Variants in AK8 observed in about 807,000 individuals in gnomAD.
The protein encoded by AK8 is adenylate kinase 8, also known as ATP-AMP transphosphorylase 8.
In AK8, 44 loss-of-function variants were observed where a neutral mutation model predicts 54.6. The ratio of observed to expected loss-of-function variants is 0.81; its 90% CI spans 0.63 to 1.04. The LOEUF (loss-of-function observed/expected upper bound fraction) is 1.04, where lower values mean the gene tolerates loss of function less well. Ranked by LOEUF, AK8 falls within the 50% of genes least tolerant of loss-of-function variation. The pLI, the probability that AK8 is intolerant of heterozygous loss-of-function variation, is 0.00. For missense variants in AK8, 555 were observed against 613.6 expected (o/e 0.90, Z 1.01); for synonymous variants, 239 against 245.6 (o/e 0.97, Z 0.25).
chr9:132,788,258 G>A (rs1486706562), intron 11 of AK8, among the ~76,000 whole-genome samples: 1 of 152,168 alleles, frequency 6.6e-6, no homozygotes, highest in Admixed American at 6.5e-5. Flanking sequence ...ATTCCTTAAA[G>A]CAGGTTTCCT....
intron 2 of AK8, among the ~76,000 whole-genome samples, chr9:132,873,958 G>C (rs892432116): frequency 2.6e-5 from 4 of 152,194 alleles, no homozygotes; most frequent in Non-Finnish European, 5.9e-5. Context: ...CTGCAGGGCA[G>C]AGTAAACTGC....
chr9:132,846,029 G>T (rs971994614), intron 5 of AK8, among the ~76,000 whole-genome samples: 6 of 152,162 alleles, frequency 3.9e-5, no homozygotes, highest in Admixed American at 3.9e-4. Context: ...TAGCCAGTGG[G>T]ACACACAGAC....
chr9:132,765,335 T>C (rs1032221357), intron 11 of AK8, among the ~76,000 whole-genome samples: 3 of 139,542 alleles, frequency 2.1e-5, no homozygotes, highest in Non-Finnish European at 4.6e-5. Flanking sequence ...CATAATCATG[T>C]GGTGCATCTC....
chr9:132,726,356 C>T (rs1009409351), intron 12 of AK8, among the ~76,000 whole-genome samples: 1 of 151,526 alleles, frequency 6.6e-6, no homozygotes, highest in Non-Finnish European at 1.5e-5. Context: ...ACTCTCTTGC[C>T]CAGGCTGGAG....
intron 11 of AK8, among the ~76,000 whole-genome samples, chr9:132,758,045 A>G (rs941978655): frequency 1.3e-5 from 2 of 152,336 alleles, no homozygotes; most frequent in Admixed American, 6.5e-5. Flanking sequence ...GGCATCACCC[A>G]GCTTAGATGA....
At chr9:132,764,985 G>A (rs1838655993) in intron 11 of AK8, among the ~76,000 whole-genome samples, 1 of 152,112 alleles carries the variant, frequency 6.6e-6, no homozygotes, top group Non-Finnish European at 1.5e-5. Flanking sequence ...ACTGAATCCA[G>A]CAGCACATTA....
At chr9:132,861,447 T>C (rs1043729457) in intron 4 of AK8, 1 of 152,200 alleles carries the variant, frequency 6.6e-6, no homozygotes, top group African/African-American at 2.4e-5. Context: ...CCCTGGCTTG[T>C]GCTTAGTTTT....
chr9:132,861,926 C>T (rs183705099), intron 4 of AK8, among the ~76,000 whole-genome samples: 2 of 152,186 alleles, frequency 1.3e-5, no homozygotes, highest in African/African-American at 4.8e-5. Context: ...AGGACCCCAA[C>T]AAGACACCCT....
chr9:132,838,239 A>G (rs1313222580), intron 5 of AK8, among the ~76,000 whole-genome samples: 1 of 126,424 alleles, frequency 7.9e-6, no homozygotes, highest in Admixed American at 8.1e-5. Context: ...TAAATCTAAG[A>G]CCAAAGAGGA....
Position 132,746,636 on chromosome 9 carries a change from T to C in AK8, c.1122-19102A>G, listed in dbSNP as rs150297741. ...CACTTTCCTCTTCCACAAACGCACA[T>C]GACAGTCGGGGTTGGCTTCCACCCC... On this transcript the variant is annotated intron_variant, in intron 11 of 12. Coordinates refer to ENST00000298545, the MANE Select transcript of AK8 (RefSeq NM_152572.3). Among the ~76,000 whole-genome samples the C allele has an allele frequency of 6.8e-3, 1,038 of 152,308 alleles. 6 individuals carry two copies. The highest frequency in any genetic ancestry group is 0.01 in the Non-Finnish European group (705 of 68,020).
chr9:132,854,939 G>A lies in AK8; in HGVS notation c.334-14C>T. 6.2e-7 allele frequency: 1 copy of A among 1,614,010 alleles called. No individual in the cohort carries two copies. Among genetic ancestry groups the A allele is most frequent in the South Asian group, 1.1e-5 (1 of 91,078 alleles). On this transcript the variant is annotated splice_polypyrimidine_tract_variant and intron_variant, in intron 4 of 12. Transcript: ENST00000298545. ...GCTGGGAACTGTCTGAAGGAAAAAG[G>A]ACACACAGAATGATGGCCCAAACCT...
chr9:132,767,216 T>C (rs1838760989), intron 11 of AK8, among the ~76,000 whole-genome samples: 2 of 152,196 alleles, frequency 1.3e-5, no homozygotes, highest in Admixed American at 1.3e-4. Flanking sequence ...GAAGTATTTG[T>C]AAACTATCCA....
At chr9:132,845,396 TACTCTGTCCAC>T (rs933143330) in intron 5 of AK8, among the ~76,000 whole-genome samples, 4 of 152,232 alleles carry the variant, frequency 2.6e-5, no homozygotes, top group Non-Finnish European at 5.9e-5. Flanking sequence ...CATGGTCCTG[TACTCTGTCCAC>T]ACTGCAGGTG....
intron 11 of AK8, among the ~76,000 whole-genome samples, chr9:132,768,523 T>A (rs938336356): frequency 6.6e-6 from 1 of 152,158 alleles, no homozygotes; most frequent in African/African-American, 2.4e-5. Flanking sequence ...CACCTCAGCC[T>A]CCCCAAGTGC....
Position 132,878,082 on chromosome 9 carries a change from C to T in AK8, c.84+90G>A, listed in dbSNP as rs1844223610. ...TGCTTCGTGGGCGCGCGACTCGGCCCCAGCTGCGGGTCCCGGCCGCGCACC... is the reference window on the plus strand; with the variant it reads ...TGCTTCGTGGGCGCGCGACTCGGCCTCAGCTGCGGGTCCCGGCCGCGCACC... On this transcript the variant is annotated intron_variant, in intron 1 of 12. Coordinates refer to ENST00000298545, the MANE Select transcript of AK8 (RefSeq NM_152572.3). The surrounding 1 kb of genome is among the most constrained non-coding windows in gnomAD (Gnocchi z 4.7). 6.5e-7 allele frequency: 1 copy of T among 1,538,044 alleles called. No homozygotes were observed. The highest frequency in any genetic ancestry group is 1.4e-5 in the African/African-American group (1 of 72,716).
intron 9 of AK8, among the ~76,000 whole-genome samples, chr9:132,817,792 G>GA (rs1159999335): frequency 1.3e-5 from 2 of 152,088 alleles, no homozygotes; most frequent in African/African-American, 4.8e-5. Context: ...GAGGCAGGCA[G>GA]AAAAAAGATT....
intron 11 of AK8, among the ~76,000 whole-genome samples, chr9:132,776,976 C>T (rs1041650895): frequency 6.6e-6 from 1 of 152,152 alleles, no homozygotes; most frequent in African/African-American, 2.4e-5. Context: ...ACATTAGACC[C>T]CTGGTTCCAT....
chr9:132,787,445 C>T (rs1839761335), intron 11 of AK8, among the ~76,000 whole-genome samples: 1 of 152,180 alleles, frequency 6.6e-6, no homozygotes, highest in South Asian at 2.1e-4. Context: ...CTTAGCAACA[C>T]TGGAAATTCA....
At chr9:132,875,264 C>T in intron 1 of AK8, 65 bp from the exon 2 acceptor site, 2 of 1,592,312 alleles carry the variant, frequency 1.3e-6, no homozygotes, top group East Asian at 2.3e-5. Flanking sequence ...ACCACAGATA[C>T]CAGCTATGGG....
Sources: allele counts gnomAD v4.1 joint callset (sites outside exome capture counted in the v4.1 genomes callset), GRCh38; gene constraint gnomAD v4.1.1; non-coding constraint Gnocchi (gnomAD v3.1); transcripts MANE v1.5; gene names NCBI Gene and HGNC (gene_info 2026-07-23, HGNC 2026-07-21).